The following SCAPER variants were observed in gnomAD, a reference collection of about 807,000 sequenced individuals.
The protein encoded by SCAPER is S-phase cyclin A associated protein in the ER, also known as S phase cyclin A-associated protein in the endoplasmic reticulum.
SCAPER carries 98 observed loss-of-function variants against 182.2 expected under a neutral mutation model. The ratio of observed to expected loss-of-function variants is 0.54; its 90% CI spans 0.46 to 0.64. The LOEUF (loss-of-function observed/expected upper bound fraction) is 0.64, where lower values mean the gene tolerates loss of function less well. Among genes scored for constraint, SCAPER ranks in the 30% least tolerant of loss-of-function variants. The pLI, the probability that SCAPER is intolerant of heterozygous loss-of-function variation, is 0.00. For synonymous variants in SCAPER, 605 were observed against 564.6 expected (o/e 1.07, Z -1.01); for missense variants, 1,432 against 1,690.0 (o/e 0.85, Z 2.68).
intron 23 of SCAPER, among the ~76,000 whole-genome samples, chr15:76,566,595 A>G (rs2047052571): frequency 6.6e-6 from 1 of 152,282 alleles, no homozygotes; most frequent in South Asian, 2.1e-4. Flanking sequence ...ATCATCACAA[A>G]GTAATGAGAA....
chr15:76,666,097 T>A (rs961761350), intron 20 of SCAPER, among the ~76,000 whole-genome samples: 3 of 152,094 alleles, frequency 2.0e-5, no homozygotes, highest in South Asian at 2.1e-4. Flanking sequence ...TATAATATCA[T>A]CTATAATACC....
At chr15:76,900,147 C>G (rs1285177583) in intron 1 of SCAPER, among the ~76,000 whole-genome samples, 1 of 151,956 alleles carries the variant, frequency 6.6e-6, no homozygotes, top group African/African-American at 2.4e-5. Context: ...GCAGCATGCT[C>G]GTTAAGAGTC....
intron 26 of SCAPER, among the ~76,000 whole-genome samples, chr15:76,429,036 G>A (rs369092756): frequency 6.6e-6 from 1 of 151,370 alleles, no homozygotes; most frequent in East Asian, 1.9e-4. Flanking sequence ...GGTCTTTCCC[G>A]TGCTGTTCTC....
At chr15:76,772,264 C>T (rs2063515077) in intron 9 of SCAPER, among the ~76,000 whole-genome samples, 1 of 151,958 alleles carries the variant, frequency 6.6e-6, no homozygotes, top group African/African-American at 2.4e-5. Context: ...GTATCCTTCG[C>T]AAATGAAATC....
chr15:76,653,113 A>C (rs1174959958), intron 21 of SCAPER, among the ~76,000 whole-genome samples: 3 of 152,202 alleles, frequency 2.0e-5, no homozygotes, highest in African/African-American at 7.2e-5. Flanking sequence ...AATCTCATTC[A>C]TAATAGCCAC....
intron 20 of SCAPER, among the ~76,000 whole-genome samples, chr15:76,697,579 T>C (rs1287394759): frequency 1.3e-5 from 2 of 152,092 alleles, no homozygotes; most frequent in Non-Finnish European, 1.5e-5. Flanking sequence ...TCCAGAAAAA[T>C]TGTTAAGTTT....
intron 24 of SCAPER, among the ~76,000 whole-genome samples, chr15:76,474,093 G>A (rs7165025): frequency 0.43 from 64,761 of 152,060 alleles, 16,530 homozygotes; most frequent in Middle Eastern, 0.58. Flanking sequence ...TTACAGGCGT[G>A]AGCCACCATG....
chr15:76,657,142 GACC>G (rs2055716288), intron 21 of SCAPER, among the ~76,000 whole-genome samples: 1 of 151,992 alleles, frequency 6.6e-6, no homozygotes, highest in South Asian at 2.1e-4. Context: ...AAGACTGATA[GACC>G]ACTAGCTAGA....
At chr15:76,534,745 G>A (rs139445349) in intron 23 of SCAPER, among the ~76,000 whole-genome samples, 70 of 152,094 alleles carry the variant, frequency 4.6e-4, no homozygotes, top group African/African-American at 1.5e-3. Context: ...AAAACTTCAA[G>A]ATATCTTTTA....
intron 10 of SCAPER, among the ~76,000 whole-genome samples, chr15:76,767,517 A>T (rs904738144): frequency 8.5e-5 from 13 of 152,174 alleles, no homozygotes; most frequent in Non-Finnish European, 1.8e-4. Context: ...CTTTCTGAAC[A>T]TACATACACC....
chr15:76,731,628 T>A (rs982516486), intron 16 of SCAPER, among the ~76,000 whole-genome samples: 2 of 152,240 alleles, frequency 1.3e-5, no homozygotes, highest in Non-Finnish European at 2.9e-5. Flanking sequence ...TGATTACACA[T>A]TTTTAAAATT....
intron 5 of SCAPER, among the ~76,000 whole-genome samples, chr15:76,818,220 G>C (rs1042624228): frequency 2.0e-5 from 3 of 152,176 alleles, no homozygotes; most frequent in African/African-American, 7.2e-5. Flanking sequence ...AACACATGAT[G>C]CTAGAATAAA....
chr15:76,777,139 T>C (rs2063790329), intron 8 of SCAPER, among the ~76,000 whole-genome samples: 1 of 152,112 alleles, frequency 6.6e-6, no homozygotes. Context: ...GAAGACATAT[T>C]ACCTATAGAG....
chr15:76,728,833 C>A, intron 16 of SCAPER, 96 bp from the exon 17 acceptor site: 1 of 1,340,884 alleles, frequency 7.5e-7, no homozygotes, highest in South Asian at 1.6e-5. Context: ...CATGTTCAAG[C>A]CAAGTAGAAA....
chr15:76,356,726 A>C (rs868608090), intron 29 of SCAPER, among the ~76,000 whole-genome samples: 1 of 152,188 alleles, frequency 6.6e-6, no homozygotes, highest in Non-Finnish European at 1.5e-5. Flanking sequence ...CAGAGTGCAC[A>C]AGGCCAACAC....
intron 29 of SCAPER, among the ~76,000 whole-genome samples, chr15:76,366,086 TACACACACAC>T (rs59741618): frequency 0.016 from 2,429 of 149,530 alleles, 20 homozygotes; most frequent in Admixed American, 0.021. Context: ...CTTACACACT[TACACACACAC>T]ACACACACAC....
At chr15:76,608,853 G>A (rs186448501) in intron 22 of SCAPER, among the ~76,000 whole-genome samples, 63 of 152,216 alleles carry the variant, frequency 4.1e-4, no homozygotes, top group African/African-American at 1.4e-3. Context: ...CTGGTGTGCC[G>A]TTTTTTAAGC....
chr15:76,899,351 G>C (rs1433285793), intron 1 of SCAPER, among the ~76,000 whole-genome samples: 2 of 152,238 alleles, frequency 1.3e-5, no homozygotes, highest in African/African-American at 4.8e-5. Context: ...TTTTGGTGGA[G>C]ATGGGTTTCG....
intron 3 of SCAPER, chr15:76,861,736 GAATTT>G (rs1006415990): frequency 2.6e-5 from 4 of 151,862 alleles, no homozygotes; most frequent in Admixed American, 6.6e-5. Flanking sequence ...ATTTTTATAA[GAATTT>G]AATAAAAGAA....
Sources: gnomAD v4.1 joint callset for allele counts (sites outside exome capture counted in the v4.1 genomes callset) on GRCh38, gnomAD v4.1.1 for gene constraint, MANE v1.5 for transcripts, NCBI Gene and HGNC (gene_info 2026-07-23, HGNC 2026-07-21) for gene names.